DGKB: variants seen among roughly 807,000 people sequenced by gnomAD.
DGKB encodes the protein diacylglycerol kinase beta.
DGKB carries 67 observed loss-of-function variants against 114.3 expected under a neutral mutation model. The observed-to-expected ratio is 0.59, with a 90% CI of 0.48 to 0.72. DGKB has a LOEUF of 0.72. DGKB is among the 30% of genes least tolerant of loss of function. The probability of loss-of-function intolerance (pLI) is 0.00; values close to 1 mark genes in which losing one functional copy is unlikely to be tolerated. For synonymous variants in DGKB, 398 were observed against 323.1 expected, an observed-to-expected ratio of 1.23 and a Z score of -2.49; for missense variants, 907 against 975.2, an observed-to-expected ratio of 0.93 and a Z score of 0.93.
In DGKB at chr7:14,501,604, T is replaced by C. The variant is rs1370596470; in HGVS notation, c.1771-23379A>G. 4.0e-5 allele frequency among the ~76,000 whole-genome samples: 6 copies of C among 151,812 alleles called. No individual in the cohort carries two copies. The East Asian group carries it at 1.2e-3, about 29-fold the overall frequency. On this transcript the variant is annotated intron_variant, in intron 20 of 25. Transcript: ENST00000402815. ...GAAGAATCAAGAGCTCAGAGAATCA[T>C]CTCCAGGAAGCTGAACTGAGTTAAA...
At chr7:14,488,892 AT>A (rs1584336244) in intron 20 of DGKB, among the ~76,000 whole-genome samples, 1 of 151,140 alleles carries the variant, frequency 6.6e-6, no homozygotes, top group East Asian at 1.9e-4. Context: ...AACAAAAATT[AT>A]TTTCTAGAAA....
intron 23 of DGKB, among the ~76,000 whole-genome samples, chr7:14,250,887 T>C (rs552082200): frequency 6.6e-6 from 1 of 152,362 alleles, no homozygotes; most frequent in African/African-American, 2.4e-5. Context: ...TGTAATAACC[T>C]TCTTTGTCTA....
intron 15 of DGKB, among the ~76,000 whole-genome samples, chr7:14,619,744 T>A (rs187585252): frequency 8.2e-4 from 125 of 151,832 alleles, no homozygotes; most frequent in Non-Finnish European, 1.3e-3. Flanking sequence ...GGGGAAGTTA[T>A]CTCACTTCTG....
intron 13 of DGKB, among the ~76,000 whole-genome samples, chr7:14,659,902 G>T (rs541605163): frequency 1.3e-5 from 2 of 151,842 alleles, no homozygotes; most frequent in South Asian, 2.1e-4. Flanking sequence ...TTTGAAATAC[G>T]TCCCATCAAT....
At chr7:14,815,011 T>C (rs1274303883) in intron 2 of DGKB, among the ~76,000 whole-genome samples, 1 of 152,218 alleles carries the variant, frequency 6.6e-6, no homozygotes, top group Non-Finnish European at 1.5e-5. Context: ...TTAATCCTTT[T>C]CCTGTCATTC....
Position 14,293,802 on chromosome 7 carries a change from T to C in DGKB, c.2122+44713A>G, listed in dbSNP as rs1050847331. Among the ~76,000 whole-genome samples the C allele has an allele frequency of 2.6e-5, 4 of 152,292 alleles. No individual in the cohort carries two copies. The South Asian group carries it at 8.3e-4, about 32-fold the overall frequency. ...CCCTCCAATGGCTTCCTGCTGCACT[T>C]GGAATACATTTCAAAGTCCTTATGT... is the stretch of plus-strand genomic sequence containing the variant. On this transcript the variant is annotated intron_variant, in intron 23 of 25. Coordinates refer to ENST00000402815, the MANE Select transcript of DGKB (RefSeq NM_001350709.2).
At chr7:14,673,678 A>G (rs967013373) in intron 12 of DGKB, among the ~76,000 whole-genome samples, 6 of 151,992 alleles carry the variant, frequency 3.9e-5, no homozygotes, top group Non-Finnish European at 7.4e-5. Flanking sequence ...GCCCAAACTA[A>G]TATTTTTATT....
intron 23 of DGKB, among the ~76,000 whole-genome samples, chr7:14,189,677 A>G (rs1438926429): frequency 6.6e-6 from 1 of 152,188 alleles, no homozygotes; most frequent in East Asian, 1.9e-4. Context: ...ATTCACCTCA[A>G]AAAAGGCAGG....
chr7:14,777,803 C>A (rs191126227), intron 2 of DGKB, among the ~76,000 whole-genome samples: 1 of 152,206 alleles, frequency 6.6e-6, no homozygotes, highest in East Asian at 1.9e-4. Flanking sequence ...GTAGTGTGAA[C>A]GGGTCAACGG....
chr7:14,748,349 T>G (rs1464970281), intron 4 of DGKB, among the ~76,000 whole-genome samples: 1 of 152,222 alleles, frequency 6.6e-6, no homozygotes, highest in Non-Finnish European at 1.5e-5. Context: ...GGGAATGTGC[T>G]TGCAGTTTTT....
intron 1 of DGKB, among the ~76,000 whole-genome samples, chr7:14,860,516 A>G (rs1462998088): frequency 1.3e-5 from 2 of 151,994 alleles, no homozygotes; most frequent in African/African-American, 4.8e-5. Context: ...AGGATTTTAA[A>G]AATGGTATTT....
chr7:14,171,638 T>C (rs1781010821), intron 25 of DGKB, among the ~76,000 whole-genome samples: 1 of 152,238 alleles, frequency 6.6e-6, no homozygotes, highest in Non-Finnish European at 1.5e-5. Context: ...ATTCAAATTC[T>C]TTGCTTTGAG....
At chr7:14,690,154 C>A (rs770478712) in intron 9 of DGKB, among the ~76,000 whole-genome samples, 1 of 152,136 alleles carries the variant, frequency 6.6e-6, no homozygotes, top group Admixed American at 6.5e-5. Flanking sequence ...AATTAAATGA[C>A]GATCCAAAGT....
At chr7:14,690,563 G>C (rs1288317469) in intron 9 of DGKB, among the ~76,000 whole-genome samples, 1 of 152,318 alleles carries the variant, frequency 6.6e-6, no homozygotes, top group South Asian at 2.1e-4. Context: ...AGTCAAACCT[G>C]GCCAGCAACC....
At chr7:14,872,639 G>C (rs1852644474) in intron 1 of DGKB, among the ~76,000 whole-genome samples, 1 of 152,032 alleles carries the variant, frequency 6.6e-6, no homozygotes, top group South Asian at 2.1e-4. Flanking sequence ...AAACTAAGTT[G>C]TTGCAAAAAT....
At chr7:14,209,723 ATAAGT>A (rs952447249) in intron 23 of DGKB, among the ~76,000 whole-genome samples, 2 of 152,142 alleles carry the variant, frequency 1.3e-5, no homozygotes, top group Non-Finnish European at 2.9e-5. Context: ...AACTTCAGAC[ATAAGT>A]TAATAAAATA....
At chr7:14,454,759 A>G (rs1254273841) in intron 21 of DGKB, among the ~76,000 whole-genome samples, 1 of 152,074 alleles carries the variant, frequency 6.6e-6, no homozygotes, top group Non-Finnish European at 1.5e-5. Context: ...TATCCTGCAT[A>G]CACTTGAGTC....
intron 20 of DGKB, among the ~76,000 whole-genome samples, chr7:14,547,687 TG>T (rs1794504040): frequency 6.6e-6 from 1 of 151,944 alleles, no homozygotes. Context: ...TTTTTTTTAA[TG>T]TTAAAAAAAT....
chr7:14,250,176 C>A (rs968749809), intron 23 of DGKB, among the ~76,000 whole-genome samples: 1 of 150,004 alleles, frequency 6.7e-6, no homozygotes, highest in Non-Finnish European at 1.5e-5. Flanking sequence ...ACCATGTTGC[C>A]TAGGCTGGTC....
Sources: gnomAD v4.1 joint callset for allele counts (sites outside exome capture counted in the v4.1 genomes callset) on GRCh38, gnomAD v4.1.1 for gene constraint, MANE v1.5 for transcripts, NCBI Gene and HGNC (gene_info 2026-07-23, HGNC 2026-07-21) for gene names.